The following PDE4D variants were observed in gnomAD, a reference collection of about 807,000 sequenced individuals.
PDE4D encodes the protein phosphodiesterase 4D, also known as 3',5'-cyclic-AMP phosphodiesterase 4D.
PDE4D carries 24 observed loss-of-function variants against 87.4 expected under a neutral mutation model. The ratio of observed to expected loss-of-function variants is 0.27; its 90% CI spans 0.20 to 0.39. PDE4D has a LOEUF of 0.39. Among genes scored for constraint, PDE4D ranks in the 10% least tolerant of loss-of-function variants. The probability of loss-of-function intolerance (pLI) is 1.00; values close to 1 mark genes in which losing one functional copy is unlikely to be tolerated. For missense variants in PDE4D, 714 were observed against 1,041.0 expected (o/e 0.69, Z 4.32); for synonymous variants, 384 against 383.2 (o/e 1.00, Z -0.02).
chr5:59,009,901 A>C (rs1258354409), intron 6 of PDE4D, among the ~76,000 whole-genome samples: 2 of 152,232 alleles, frequency 1.3e-5, no homozygotes, highest in African/African-American at 2.4e-5. Flanking sequence ...AGGCATAGTT[A>C]TGTATGATAA....
At chr5:59,874,166 G>T (rs1748219474) in intron 1 of PDE4D, among the ~76,000 whole-genome samples, 1 of 152,146 alleles carries the variant, frequency 6.6e-6, no homozygotes, top group African/African-American at 2.4e-5. Context: ...TCATGCCACT[G>T]CACCCCAGCC....
intron 2 of PDE4D, among the ~76,000 whole-genome samples, chr5:60,106,084 C>A (rs1394622137): frequency 9.9e-5 from 15 of 151,944 alleles, no homozygotes; most frequent in African/African-American, 3.6e-4. Context: ...AGGGTCAAGA[C>A]CCATCAGTGT....
At chr5:59,257,990 A>G (rs1761296780) in intron 1 of PDE4D, among the ~76,000 whole-genome samples, 1 of 151,986 alleles carries the variant, frequency 6.6e-6, no homozygotes, top group Non-Finnish European at 1.5e-5. Context: ...TAGGAAACCC[A>G]TCATTTCACG....
chr5:59,115,513 C>T (rs1329208282), intron 5 of PDE4D, among the ~76,000 whole-genome samples: 1 of 152,152 alleles, frequency 6.6e-6, no homozygotes, highest in Non-Finnish European at 1.5e-5. Flanking sequence ...AACCACATGA[C>T]CAAGCTTGTA....
chr5:60,197,505 C>T lies in PDE4D; in HGVS notation c.-89-11818G>A, dbSNP rs542689527. On this transcript the variant is annotated intron_variant, in intron 1 of 16. Coordinates refer to the PDE4D transcript ENST00000502484. ...ACAATGAGAATTTAAATAAAATAAACCAGAGTTAAAGTAAAGATCAAAGAG... is the reference window on the plus strand; with the variant it reads ...ACAATGAGAATTTAAATAAAATAAATCAGAGTTAAAGTAAAGATCAAAGAG... 3.2e-3 allele frequency among the ~76,000 whole-genome samples: 485 copies of T among 151,484 alleles called. 7 individuals carry two copies. Among genetic ancestry groups the T allele is most frequent in the African/African-American group, 0.011 (467 of 41,424 alleles).
At chr5:58,990,417 G>A (rs1532520) in intron 9 of PDE4D, among the ~76,000 whole-genome samples, 124,185 of 152,112 alleles carry the variant, frequency 0.82, 50,854 homozygotes, top group Admixed American at 0.88. Context: ...ACACAAGAAA[G>A]TGACTGAAAA....
chr5:59,474,132 A>C (rs1321274548), intron 1 of PDE4D, among the ~76,000 whole-genome samples: 1 of 152,160 alleles, frequency 6.6e-6, no homozygotes, highest in East Asian at 1.9e-4. Flanking sequence ...TAGACTGTAG[A>C]TGGAACTAAG....
In PDE4D at chr5:59,450,601, A is replaced by G. The variant is rs1798995416; in HGVS notation, c.456-234633T>C. Among the ~76,000 whole-genome samples the G allele has an allele frequency of 4.6e-5, 7 of 152,238 alleles. No individual in the cohort carries two copies. The South Asian group carries it at 1.4e-3, about 32-fold the overall frequency. On this transcript the variant is annotated intron_variant, in intron 1 of 14. Coordinates refer to ENST00000340635, the MANE Select transcript of PDE4D (RefSeq NM_001104631.2). Reference sequence around the variant, plus strand: ...AATCAAATCACTTTCATTTTCTGCAAAGACTACAGCAAACGTCCTTCTTCT... The same window carrying G: ...AATCAAATCACTTTCATTTTCTGCAGAGACTACAGCAAACGTCCTTCTTCT...
intron 2 of PDE4D, among the ~76,000 whole-genome samples, chr5:60,041,766 C>T (rs776493112): frequency 2.6e-5 from 4 of 152,144 alleles, no homozygotes; most frequent in Non-Finnish European, 5.9e-5. Context: ...TGGTGCATTC[C>T]GGCCCAGATA....
chr5:60,410,157 G>C (rs1175907529), intron 1 of PDE4D, among the ~76,000 whole-genome samples: 2 of 152,198 alleles, frequency 1.3e-5, no homozygotes, highest in African/African-American at 4.8e-5. Flanking sequence ...AAATTAGAAA[G>C]TGACTAGCTG....
At chr5:60,091,371 G>A (rs1775091127) in intron 2 of PDE4D, among the ~76,000 whole-genome samples, 1 of 152,078 alleles carries the variant, frequency 6.6e-6, no homozygotes, top group African/African-American at 2.4e-5. Flanking sequence ...GCTAATGAGT[G>A]TATTTAAAAA....
chr5:60,036,569 T>G (rs913351186), intron 2 of PDE4D, among the ~76,000 whole-genome samples: 4 of 152,318 alleles, frequency 2.6e-5, no homozygotes, highest in Middle Eastern at 3.4e-3. Context: ...CATAAACTCA[T>G]GTCTCCGAAC....
intron 1 of PDE4D, among the ~76,000 whole-genome samples, chr5:59,575,017 TGAGA>T (rs1822892420): frequency 6.6e-6 from 1 of 152,176 alleles, no homozygotes; most frequent in Admixed American, 6.5e-5. Flanking sequence ...GCTAGAATAA[TGAGA>T]GAAATTAATT....
At position 59,434,571 on chromosome 5, in the gene PDE4D, G is replaced by A. The variant is rs558898422; in HGVS notation, c.456-218603C>T. 7.2e-5 allele frequency among the ~76,000 whole-genome samples: 11 copies of A among 152,166 alleles called. 2 individuals are homozygous for A. The highest frequency in any genetic ancestry group is 2.6e-4 in the African/African-American group (11 of 41,536). ...TGGCTTTAAATATTCTTTATGTGCT[G>A]AAAAACTCCCACCTCTTTATTCAGA... On this transcript the variant is annotated intron_variant, in intron 1 of 14. Transcript: ENST00000340635.
chr5:60,035,270 A>G (rs1170904200), intron 2 of PDE4D, among the ~76,000 whole-genome samples: 6 of 144,680 alleles, frequency 4.1e-5, no homozygotes, highest in Middle Eastern at 3.3e-3. Context: ...AAAAAAAAAA[A>G]GGGCATACTT....
chr5:60,287,711 T>A lies in PDE4D; in HGVS notation c.-89-102024A>T, dbSNP rs576404591. 2.6e-5 allele frequency among the ~76,000 whole-genome samples: 4 copies of A among 152,340 alleles called. No individual in the cohort carries two copies. In the South Asian group the frequency reaches 8.3e-4, roughly 32 times the overall value. ...ATCCCCATCCTTGGCAGAAATAGTT[T>A]ATACTTTCCCTGCTTTCTCTGGACT... On this transcript the variant is annotated intron_variant, in intron 1 of 16. Coordinates refer to the PDE4D transcript ENST00000502484.
At chr5:59,325,126 A>T (rs1212370960) in intron 1 of PDE4D, among the ~76,000 whole-genome samples, 1 of 152,116 alleles carries the variant, frequency 6.6e-6, no homozygotes, top group Admixed American at 6.6e-5. Context: ...CCAAATTCAG[A>T]AGCCTCTAGA....
At chr5:59,534,844 A>G (rs1223113604) in intron 1 of PDE4D, among the ~76,000 whole-genome samples, 3 of 152,192 alleles carry the variant, frequency 2.0e-5, no homozygotes, top group African/African-American at 7.2e-5. Context: ...TAGCTTGACA[A>G]AAGGCCAGGC....
At chr5:60,326,296 A>C (rs1444381387) in intron 1 of PDE4D, among the ~76,000 whole-genome samples, 1 of 152,110 alleles carries the variant, frequency 6.6e-6, no homozygotes, top group East Asian at 1.9e-4. Flanking sequence ...TCCATGTATG[A>C]GTGGCCCAGT....
Sources: allele counts gnomAD v4.1 joint callset (sites outside exome capture counted in the v4.1 genomes callset), GRCh38; gene constraint gnomAD v4.1.1; transcripts MANE v1.5; gene names NCBI Gene and HGNC (gene_info 2026-07-23, HGNC 2026-07-21).